Variants in SMYD3 observed in about 807,000 individuals in gnomAD.
The protein encoded by SMYD3 is SET and MYND domain containing 3, also known as histone-lysine N-methyltransferase SMYD3.
A neutral mutation model predicts 57.7 loss-of-function variants in SMYD3; 36 were observed. That is an observed-to-expected ratio of 0.62 (90% CI 0.48 to 0.82). The LOEUF is 0.82. Ranked by LOEUF, SMYD3 falls within the 40% of genes least tolerant of loss-of-function variation. The pLI, the probability that SMYD3 is intolerant of heterozygous loss-of-function variation, is 0.00. For missense variants in SMYD3, 515 were observed against 538.8 expected (o/e 0.96, Z 0.44); for synonymous variants, 211 against 195.0 (o/e 1.08, Z -0.68).
chr1:245,789,416 G>A (rs1472368279), intron 10 of SMYD3, among the ~76,000 whole-genome samples: 1 of 152,126 alleles, frequency 6.6e-6, no homozygotes, highest in African/African-American at 2.4e-5. Context: ...ACGGCAAGCT[G>A]TAAGCAAGGA....
At chr1:246,046,543 G>A (rs2059968751) in intron 5 of SMYD3, among the ~76,000 whole-genome samples, 1 of 151,776 alleles carries the variant, frequency 6.6e-6, no homozygotes, top group South Asian at 2.1e-4. Context: ...GTTAATGGGT[G>A]CAGCACACCA....
chr1:246,191,770 A>G (rs1475088814), intron 5 of SMYD3, among the ~76,000 whole-genome samples: 1 of 152,196 alleles, frequency 6.6e-6, no homozygotes, highest in Non-Finnish European at 1.5e-5. Context: ...GTATCTGCCC[A>G]AGATCTCACT....
At chr1:246,167,631 C>A (rs2062242083) in intron 5 of SMYD3, among the ~76,000 whole-genome samples, 1 of 151,956 alleles carries the variant, frequency 6.6e-6, no homozygotes. Flanking sequence ...CTGCCTCGAC[C>A]TCCCGAGTAG....
intron 1 of SMYD3, among the ~76,000 whole-genome samples, chr1:246,473,958 T>G (rs573058384): frequency 1.3e-5 from 2 of 152,342 alleles, no homozygotes; most frequent in South Asian, 4.1e-4. Context: ...AAGCTGAAAT[T>G]GTAATTTTCA....
Position 245,978,654 on chromosome 1 carries a change from G to C in SMYD3, c.532-48717C>G, listed in dbSNP as rs755008264. Reference sequence around the variant, plus strand: ...AGCAGGCAGTTAAACGTTGAGTCCAGCGTTTCGGAGCCTGGCCAGTCTATT... The same window carrying C: ...AGCAGGCAGTTAAACGTTGAGTCCACCGTTTCGGAGCCTGGCCAGTCTATT... On this transcript the variant is annotated intron_variant, in intron 5 of 11. Transcript: ENST00000490107. 6.0e-4 allele frequency among the ~76,000 whole-genome samples: 92 copies of C among 152,290 alleles called. No individual in the cohort carries two copies. In the Middle Eastern group the frequency reaches 0.027, roughly 45 times the overall value.
intron 5 of SMYD3, among the ~76,000 whole-genome samples, chr1:246,036,681 G>A (rs1170265024): frequency 2.0e-5 from 3 of 149,514 alleles, no homozygotes; most frequent in Non-Finnish European, 4.4e-5. Flanking sequence ...AGCCTCCTGA[G>A]TAGCTGGGAC....
At chr1:245,923,962 C>G (rs779187248) in intron 7 of SMYD3, among the ~76,000 whole-genome samples, 1 of 152,218 alleles carries the variant, frequency 6.6e-6, no homozygotes, top group Admixed American at 6.5e-5. Flanking sequence ...ACAGAAGAAA[C>G]AGACTGTCTT....
intron 5 of SMYD3, among the ~76,000 whole-genome samples, chr1:246,101,596 AAAT>A (rs1309209669): frequency 6.6e-6 from 1 of 152,266 alleles, no homozygotes; most frequent in Non-Finnish European, 1.5e-5. Context: ...AATTTTATAA[AAAT>A]CATTTAATTG....
At chr1:245,959,745 ATC>A (rs1430306722) in intron 5 of SMYD3, among the ~76,000 whole-genome samples, 4 of 152,242 alleles carry the variant, frequency 2.6e-5, no homozygotes, top group Admixed American at 6.5e-5. Context: ...AATGAGTAAA[ATC>A]TCTGTTTTTT....
intron 5 of SMYD3, among the ~76,000 whole-genome samples, chr1:246,163,981 G>A (rs1040070711): frequency 1.3e-5 from 2 of 152,146 alleles, no homozygotes; most frequent in African/African-American, 4.8e-5. Flanking sequence ...GGAATATTCA[G>A]GAGGGAAGGT....
chr1:245,903,936 G>A (rs1308478657), intron 8 of SMYD3, among the ~76,000 whole-genome samples: 2 of 152,190 alleles, frequency 1.3e-5, no homozygotes, highest in Non-Finnish European at 2.9e-5. Context: ...ATGCCCTAGA[G>A]ACATTTTCCC....
At chr1:245,895,661 T>C (rs945432683) in intron 8 of SMYD3, among the ~76,000 whole-genome samples, 7 of 152,260 alleles carry the variant, frequency 4.6e-5, no homozygotes, top group African/African-American at 1.7e-4. Flanking sequence ...CAGACAATCA[T>C]TGTTTCTTCC....
chr1:246,028,551 A>C (rs938897829), intron 5 of SMYD3, among the ~76,000 whole-genome samples: 5 of 152,218 alleles, frequency 3.3e-5, no homozygotes, highest in African/African-American at 1.2e-4. Context: ...CTAGAAGGAC[A>C]ACTATGAAAC....
At chr1:246,452,675 A>T (rs1038108868) in intron 1 of SMYD3, among the ~76,000 whole-genome samples, 2 of 152,252 alleles carry the variant, frequency 1.3e-5, no homozygotes, top group Admixed American at 6.5e-5. Context: ...AAGCAACCAT[A>T]TAAGTAGGTC....
At chr1:246,263,591 C>G (rs2148527513) in intron 5 of SMYD3, among the ~76,000 whole-genome samples, 1 of 152,308 alleles carries the variant, frequency 6.6e-6, no homozygotes, top group South Asian at 2.1e-4. Flanking sequence ...AAAACAGCCT[C>G]CTTAAAACAC....
At chr1:246,506,748 G>A (rs1363542116) in intron 1 of SMYD3, among the ~76,000 whole-genome samples, 1 of 152,296 alleles carries the variant, frequency 6.6e-6, no homozygotes, top group Admixed American at 6.5e-5. Flanking sequence ...AATTATCCCC[G>A]GCACAACGCT....
chr1:246,097,526 T>C (rs958942254), intron 5 of SMYD3, among the ~76,000 whole-genome samples: 4 of 152,174 alleles, frequency 2.6e-5, no homozygotes, highest in African/African-American at 9.7e-5. Flanking sequence ...CAGAGTTAGC[T>C]GGAAAAGCAA....
At chr1:246,487,238 G>A (rs1179244562) in intron 1 of SMYD3, among the ~76,000 whole-genome samples, 1 of 152,152 alleles carries the variant, frequency 6.6e-6, no homozygotes, top group Non-Finnish European at 1.5e-5. Flanking sequence ...CTTGAAGCCA[G>A]GAGTTTGAAA....
chr1:246,210,030 C>T (rs2063062801), intron 5 of SMYD3, among the ~76,000 whole-genome samples: 1 of 152,150 alleles, frequency 6.6e-6, no homozygotes, highest in African/African-American at 2.4e-5. Flanking sequence ...GGCTCTTCTA[C>T]TACCAATATC....
Sources: allele counts gnomAD v4.1 joint callset (sites outside exome capture counted in the v4.1 genomes callset), GRCh38; gene constraint gnomAD v4.1.1; transcripts MANE v1.5; gene names NCBI Gene and HGNC (gene_info 2026-07-23, HGNC 2026-07-21).